Variants in RANBP2 observed in about 807,000 individuals in gnomAD.
RANBP2 encodes the protein RAN binding protein 2.
A neutral mutation model predicts 303.6 loss-of-function variants in RANBP2; 57 were observed. The observed-to-expected ratio is 0.19, with a 90% confidence interval of 0.15 to 0.23. The LOEUF is 0.23. Among genes scored for constraint, RANBP2 ranks in the 10% least tolerant of loss-of-function variants. The probability of loss-of-function intolerance (pLI) is 1.00; values close to 1 mark genes in which losing one functional copy is unlikely to be tolerated. For missense variants in RANBP2, 3,138 were observed against 3,780.8 expected (o/e 0.83, Z 4.46); for synonymous variants, 1,167 against 1,301.5 (o/e 0.90, Z 2.23).
the RANBP2 span, among the ~76,000 whole-genome samples, chr2:109,529,661 G>T: frequency 6.6e-6 from 1 of 152,234 alleles, no homozygotes; most frequent in Non-Finnish European, 1.5e-5. Flanking sequence ...CACCAGGAAG[G>T]GGGAACTGTG....
the RANBP2 span, among the ~76,000 whole-genome samples, chr2:108,800,561 C>CA: frequency 7.0e-6 from 1 of 142,042 alleles, no homozygotes; most frequent in South Asian, 2.2e-4. Context: ...GGCCAGGCCT[C>CA]AGTTTTTTCT....
the RANBP2 span, among the ~76,000 whole-genome samples, chr2:109,171,393 A>C: frequency 6.6e-6 from 1 of 152,338 alleles, no homozygotes; most frequent in African/African-American, 2.4e-5. Context: ...GTGACTATGA[A>C]TATTCGGAGA....
At chr2:109,028,818 C>T in the RANBP2 span, among the ~76,000 whole-genome samples, 1 of 152,224 alleles carries the variant, frequency 6.6e-6, no homozygotes, top group Non-Finnish European at 1.5e-5. Flanking sequence ...CCACTCCTGT[C>T]TTCCAGAGCA....
At chr2:109,611,459 A>C in the RANBP2 span, among the ~76,000 whole-genome samples, 2 of 152,148 alleles carry the variant, frequency 1.3e-5, no homozygotes. Context: ...TAGTATACCT[A>C]AAAAACTTTA....
the RANBP2 span, among the ~76,000 whole-genome samples, chr2:108,871,700 G>T: frequency 2.0e-5 from 3 of 152,072 alleles, no homozygotes; most frequent in South Asian, 6.2e-4. Context: ...TAAATACTGT[G>T]TTCTACACAG....
the RANBP2 span, among the ~76,000 whole-genome samples, chr2:109,609,084 C>G: frequency 3.9e-5 from 6 of 152,262 alleles, 1 homozygote; most frequent in African/African-American, 1.4e-4. Context: ...CATAACCTGG[C>G]ACTATGTTAT....
chr2:108,956,727 G>A, the RANBP2 span, among the ~76,000 whole-genome samples: 7 of 151,952 alleles, frequency 4.6e-5, no homozygotes, highest in African/African-American at 1.7e-4. Context: ...TCCTTGTCCT[G>A]GACTTTTACG....
the RANBP2 span, among the ~76,000 whole-genome samples, chr2:109,170,948 G>T: frequency 3.7e-3 from 567 of 152,298 alleles, 6 homozygotes; most frequent in African/African-American, 0.013. Context: ...CCCACACCGG[G>T]CTGGGTGCTG....
the RANBP2 span, among the ~76,000 whole-genome samples, chr2:109,714,278 G>T: frequency 2.2e-4 from 33 of 151,870 alleles, no homozygotes; most frequent in Admixed American, 4.6e-4. Context: ...GTGTGTGTGT[G>T]TTTTTCTCTT....
At chr2:108,832,742 T>C in the RANBP2 span, among the ~76,000 whole-genome samples, 2 of 152,102 alleles carry the variant, frequency 1.3e-5, no homozygotes, top group Admixed American at 6.5e-5. Context: ...GAAGGATGAG[T>C]AGGTTTTTGT....
At chr2:109,015,103 A>G in the RANBP2 span, among the ~76,000 whole-genome samples, 186 of 116,904 alleles carry the variant, frequency 1.6e-3, no homozygotes, top group African/African-American at 5.7e-3. Flanking sequence ...CTGGCGACAG[A>G]GCGAGACTCC....
chr2:109,409,119 C>T, the RANBP2 span, among the ~76,000 whole-genome samples: 1 of 152,214 alleles, frequency 6.6e-6, no homozygotes, highest in Non-Finnish European at 1.5e-5. Flanking sequence ...TGGATGTTCT[C>T]CTCCCATATT....
At chr2:108,865,290 C>T in the RANBP2 span, among the ~76,000 whole-genome samples, 2 of 152,108 alleles carry the variant, frequency 1.3e-5, no homozygotes, top group Non-Finnish European at 2.9e-5. Context: ...ATAAACAGTG[C>T]TTCTGTGAAT....
At chr2:109,719,467 T>C in the RANBP2 span, among the ~76,000 whole-genome samples, 1 of 147,090 alleles carries the variant, frequency 6.8e-6, no homozygotes, top group African/African-American at 2.5e-5. Context: ...AGTGCAATGG[T>C]GGGATCCCCG....
the RANBP2 span, among the ~76,000 whole-genome samples, chr2:109,175,549 A>G: frequency 6.6e-6 from 1 of 152,314 alleles, no homozygotes; most frequent in South Asian, 2.1e-4. Context: ...CCTGAATGAG[A>G]CCAGCACTGT....
At chr2:109,387,702 T>C in the RANBP2 span, among the ~76,000 whole-genome samples, 27 of 152,330 alleles carry the variant, frequency 1.8e-4, no homozygotes, top group African/African-American at 6.0e-4. Flanking sequence ...CCATTCAACG[T>C]CCTCTATGTA....
At chr2:109,651,367 A>G in the RANBP2 span, among the ~76,000 whole-genome samples, 1 of 152,178 alleles carries the variant, frequency 6.6e-6, no homozygotes, top group South Asian at 2.1e-4. Flanking sequence ...ACAAGTATTG[A>G]GCAGGTGGCC....
the RANBP2 span, among the ~76,000 whole-genome samples, chr2:109,093,256 T>A: frequency 6.6e-6 from 1 of 152,132 alleles, no homozygotes; most frequent in African/African-American, 2.4e-5. Context: ...CAGGTTCAAT[T>A]CTTGGCTTCT....
chr2:109,166,459 GAAAAAA>G, the RANBP2 span, among the ~76,000 whole-genome samples: 1 of 134,326 alleles, frequency 7.4e-6, no homozygotes, highest in Non-Finnish European at 1.6e-5. Flanking sequence ...CCTGGTGACA[GAAAAAA>G]AAAAAAAAAG....
Sources: allele counts gnomAD v4.1 joint callset (sites outside exome capture counted in the v4.1 genomes callset), GRCh38; gene constraint gnomAD v4.1.1; transcripts MANE v1.5; gene names NCBI Gene and HGNC (gene_info 2026-07-23, HGNC 2026-07-21).